ZDHHC14: variants seen among roughly 807,000 people sequenced by gnomAD.
ZDHHC14 encodes the protein zDHHC palmitoyltransferase 14.
Under a neutral mutation model 47.7 loss-of-function variants are expected in ZDHHC14, and 16 were observed. That is an observed-to-expected ratio of 0.34 (90% CI 0.23 to 0.51). ZDHHC14 has a LOEUF of 0.51. ZDHHC14 is among the 20% of genes least tolerant of loss of function. The pLI, the probability that ZDHHC14 is intolerant of heterozygous loss-of-function variation, is 0.97. For synonymous variants in ZDHHC14, 293 were observed against 278.9 expected (o/e 1.05, Z -0.50); for missense variants, 515 against 662.5 (o/e 0.78, Z 2.44).
At chr6:157,415,859 G>A (rs1777963074) in intron 1 of ZDHHC14, among the ~76,000 whole-genome samples, 1 of 150,606 alleles carries the variant, frequency 6.6e-6, no homozygotes, top group South Asian at 2.1e-4. Context: ...GGGTGACAGA[G>A]TAAGACTTTG....
intron 2 of ZDHHC14, among the ~76,000 whole-genome samples, chr6:157,581,397 T>G (rs540644088): frequency 6.6e-6 from 1 of 152,222 alleles, no homozygotes; most frequent in South Asian, 2.1e-4. Context: ...TATATTCTCT[T>G]GTTTTGGGGT....
rs1328098617 is a variant in ZDHHC14 at position 157,647,286 on chromosome 6, G to C, written c.883G>C (p.Gly295Arg). ...DIKGSWSNKR[G>R]KENYNPYSYG... ...TAAAGGATCCTGGTCAAATAAAAGA[G>C]GTAAAGAAAATTACAATCCCTACAG... The change falls in exon 7 of 9, where the codon GGT becomes CGT. Residue 295 changes from glycine (G) to arginine (R), a missense_variant. Physicochemically the swap from Gly to Arg is moderately radical, Grantham distance 125. Around this residue, in one of 4 missense-constraint regions of ZDHHC14, gnomAD observed 229 missense variants for 351.5 expected, o/e 0.65. Transcript: ENST00000359775. 6.2e-7 allele frequency: 1 copy of C among 1,613,976 alleles called. No homozygotes were observed. Among genetic ancestry groups the C allele is most frequent in the African/African-American group, 1.3e-5 (1 of 75,038 alleles).
At chr6:157,388,860 G>T (rs545422317) in intron 1 of ZDHHC14, among the ~76,000 whole-genome samples, 1 of 152,080 alleles carries the variant, frequency 6.6e-6, no homozygotes, top group Non-Finnish European at 1.5e-5. Context: ...GAGTCTATTC[G>T]GTCCTCTCTC....
intron 1 of ZDHHC14, among the ~76,000 whole-genome samples, chr6:157,487,570 C>A (rs1044139484): frequency 6.6e-6 from 1 of 152,190 alleles, no homozygotes; most frequent in Non-Finnish European, 1.5e-5. Flanking sequence ...TGTACAGACG[C>A]TGACTGGCCT....
chr6:157,549,780 C>G (rs543126718), intron 2 of ZDHHC14, among the ~76,000 whole-genome samples: 1 of 152,322 alleles, frequency 6.6e-6, no homozygotes, highest in South Asian at 2.1e-4. Flanking sequence ...TGTTTTTCCA[C>G]AGGATTTGGA....
At chr6:157,533,181 CA>C (rs1781425606) in intron 1 of ZDHHC14, among the ~76,000 whole-genome samples, 1 of 152,120 alleles carries the variant, frequency 6.6e-6, no homozygotes, top group African/African-American at 2.4e-5. Context: ...ATTGTAAGGT[CA>C]ACTATGTGCT....
chr6:157,547,798 A>AT (rs1354720643), intron 2 of ZDHHC14, among the ~76,000 whole-genome samples: 2 of 148,844 alleles, frequency 1.3e-5, no homozygotes, highest in Non-Finnish European at 3.0e-5. Context: ...GCCATTATGA[A>AT]TTTTTTATAG....
At chr6:157,426,312 G>T (rs1040962430) in intron 1 of ZDHHC14, among the ~76,000 whole-genome samples, 4 of 152,190 alleles carry the variant, frequency 2.6e-5, no homozygotes, top group African/African-American at 9.7e-5. Flanking sequence ...TGGATGATTG[G>T]ATGGTGTCAT....
Position 157,417,384 on chromosome 6 carries a change from G to A in ZDHHC14, c.245+35118G>A, listed in dbSNP as rs918784200. Among the ~76,000 whole-genome samples the A allele has an allele frequency of 4.3e-5, 6 of 140,812 alleles. No individual in the cohort carries two copies. The East Asian group carries it at 1.2e-3, about 29-fold the overall frequency. The allele number at this position is 140,812 out of a possible 152,430, so 92.4% of individuals were successfully genotyped here. The stretch of plus-strand genomic sequence containing the variant: ...TATACTGTTCTGTACTCTGTTTTTT[G>A]TCAACTAATCACGTATCGTGGACAT... On this transcript the variant is annotated intron_variant, in intron 1 of 8. Transcript: ENST00000359775.
intron 1 of ZDHHC14, among the ~76,000 whole-genome samples, chr6:157,500,746 A>T (rs905106690): frequency 1.3e-5 from 2 of 152,238 alleles, no homozygotes; most frequent in African/African-American, 4.8e-5. Context: ...TGGCCCTTTC[A>T]TGAAAGTGAA....
At chr6:157,590,853 G>A (rs549736787) in intron 2 of ZDHHC14, among the ~76,000 whole-genome samples, 2 of 152,348 alleles carry the variant, frequency 1.3e-5, no homozygotes, top group African/African-American at 4.8e-5. Context: ...TGGGAGGGGG[G>A]TTGTACCCTG....
At chr6:157,487,218 G>A (rs1015486212) in intron 1 of ZDHHC14, among the ~76,000 whole-genome samples, 18 of 152,176 alleles carry the variant, frequency 1.2e-4, no homozygotes, top group African/African-American at 4.1e-4. Flanking sequence ...GGAGGACATG[G>A]GGCTGATCTC....
intron 1 of ZDHHC14, among the ~76,000 whole-genome samples, chr6:157,488,732 C>G (rs1779839607): frequency 1.3e-5 from 2 of 152,210 alleles, no homozygotes. Flanking sequence ...GGTTAGAGCA[C>G]TGCTGTCTGT....
intron 1 of ZDHHC14, among the ~76,000 whole-genome samples, chr6:157,448,439 A>G (rs1778730950): frequency 6.6e-6 from 1 of 152,224 alleles, no homozygotes; most frequent in South Asian, 2.1e-4. Context: ...TTTGATCAAT[A>G]TTCAGTTCAT....
At chr6:157,517,059 C>T (rs1019825451) in intron 1 of ZDHHC14, among the ~76,000 whole-genome samples, 11 of 152,128 alleles carry the variant, frequency 7.2e-5, no homozygotes, top group Non-Finnish European at 1.2e-4. Flanking sequence ...TGGTTGTACC[C>T]GGGAAGCAGA....
chr6:157,573,081 G>A (rs1044051719), intron 2 of ZDHHC14, among the ~76,000 whole-genome samples: 5 of 152,068 alleles, frequency 3.3e-5, no homozygotes, highest in African/African-American at 1.2e-4. Flanking sequence ...GTTTTCTAAC[G>A]AAATTACCCC....
At chr6:157,426,316 G>T (rs1032939272) in intron 1 of ZDHHC14, among the ~76,000 whole-genome samples, 1 of 152,176 alleles carries the variant, frequency 6.6e-6, no homozygotes, top group Non-Finnish European at 1.5e-5. Flanking sequence ...TGATTGGATG[G>T]TGTCATTCAC....
chr6:157,667,569 T>C (rs1157915690), intron 8 of ZDHHC14, among the ~76,000 whole-genome samples: 1 of 149,040 alleles, frequency 6.7e-6, no homozygotes, highest in Non-Finnish European at 1.5e-5. Context: ...GAAAGTTAAG[T>C]AGAAAAGTCA....
chr6:157,598,339 G>T (rs1784211994), intron 3 of ZDHHC14, among the ~76,000 whole-genome samples: 1 of 152,136 alleles, frequency 6.6e-6, no homozygotes, highest in African/African-American at 2.4e-5. Context: ...AGGGAGCTGA[G>T]ATTCGTATCC....
Sources: gnomAD v4.1 joint callset for allele counts (sites outside exome capture counted in the v4.1 genomes callset) on GRCh38, gnomAD v4.1.1 for gene constraint, gnomAD v4.1.1 regional missense constraint, MANE v1.5 for transcripts, NCBI Gene and HGNC (gene_info 2026-07-23, HGNC 2026-07-21) for gene names.